The following CEACAM21 variants were observed in gnomAD, a reference collection of about 807,000 sequenced individuals.
CEACAM21 encodes the protein cell adhesion molecule CEACAM21.
In CEACAM21, 38 loss-of-function variants were observed where a neutral mutation model predicts 33.2. The observed-to-expected ratio is 1.14, with a 90% CI of 0.88 to 1.50. CEACAM21 has a LOEUF of 1.50. Among genes scored for constraint, CEACAM21 ranks in the 40% most tolerant of loss-of-function variants. The pLI is 0.00. For synonymous variants in CEACAM21, 156 were observed against 143.0 expected, an observed-to-expected ratio of 1.09 and a Z score of -0.65; for missense variants, 385 against 364.6, an observed-to-expected ratio of 1.06 and a Z score of -0.46.
chr19:41,571,472 A>G (rs1300956784), upstream of CEACAM21, among the ~76,000 whole-genome samples: 1 of 152,192 alleles, frequency 6.6e-6, no homozygotes, highest in East Asian at 1.9e-4. Flanking sequence ...GGGATCCTGT[A>G]GACATTGAAA....
chr19:41,576,453 G>T, intron 1 of CEACAM21, 115 bp downstream of exon 1: 3 of 1,176,020 alleles, frequency 2.6e-6, no homozygotes, highest in Non-Finnish European at 3.5e-6. Context: ...TAGAGACTCA[G>T]GGGAGAGAGC....
At position 41,580,310 on chromosome 19, in the gene CEACAM21, T is replaced by TGGG. The variant is rs3030814; in HGVS notation, c.700+689_700+691dup. Among the ~76,000 whole-genome samples the TGGG allele has an allele frequency of 1.3e-3, 201 of 151,350 alleles. 1 individual carries two copies. Among genetic ancestry groups the TGGG allele is most frequent in the Middle Eastern group, 6.8e-3 (2 of 294 alleles). On this transcript the variant is annotated intron_variant, in intron 3 of 6. Transcript: ENST00000401445. ...GACACACTTCTGTGACCAAATGTGA[T>TGGG]GGGGGGGGGTTTCTCCCACACACCC...
chr19:41,576,457 A>G, intron 1 of CEACAM21, 119 bp downstream of exon 1: 1 of 1,142,032 alleles, frequency 8.8e-7, no homozygotes, highest in Non-Finnish European at 1.2e-6. Context: ...GACTCAGGGG[A>G]GAGAGCGTCT....
upstream of CEACAM21, among the ~76,000 whole-genome samples, chr19:41,575,333 C>T (rs2042869244): frequency 6.6e-6 from 1 of 152,160 alleles, no homozygotes; most frequent in South Asian, 2.1e-4. Flanking sequence ...TAATTCAGTA[C>T]ATTTATCTTA....
At position 41,577,408 on chromosome 19, in the gene CEACAM21, A is replaced by G. The variant is rs1555791640; in HGVS notation, c.273A>G (p.Pro91=). The G allele has an allele frequency of 4.3e-6, 7 of 1,614,066 alleles. No individual in the cohort carries two copies. The highest frequency in any genetic ancestry group is 5.9e-6 in the Non-Finnish European group (7 of 1,180,034). ...AYVIDTHVRT[P]GPAYSGRETI... ...TAATAGACACTCACGTTAGGACTCC[A>G]GGGCCTGCATACAGCGGTCGAGAGA... The change falls in exon 2 of 7, where the codon CCA becomes CCG. Residue 91 remains proline (P), a synonymous_variant. Transcript: ENST00000401445.
chr19:41,561,709 G>A (rs185432875), intron 1 of CEACAM21, among the ~76,000 whole-genome samples: 32 of 152,230 alleles, frequency 2.1e-4, no homozygotes, highest in African/African-American at 6.3e-4. Context: ...GCGTGCTATT[G>A]GTATGCTGGT....
upstream of CEACAM21, chr19:41,576,117 C>T (rs1006753384): frequency 9.3e-6 from 7 of 751,492 alleles, no homozygotes; most frequent in South Asian, 1.7e-5. Context: ...GGCAGAGCCC[C>T]GCCCTTGCCC....
chr19:41,562,113 AC>A (rs1314826502), intron 1 of CEACAM21, among the ~76,000 whole-genome samples: 2 of 151,976 alleles, frequency 1.3e-5, no homozygotes, highest in Admixed American at 1.3e-4. Flanking sequence ...GGGTGTGGTG[AC>A]AGGCACCTGT....
At chr19:41,566,884 A>C (rs1041089730) in intron 2 of CEACAM21, among the ~76,000 whole-genome samples, 1 of 152,170 alleles carries the variant, frequency 6.6e-6, no homozygotes, top group African/African-American at 2.4e-5. Context: ...CAGTTTTGGT[A>C]ATTTACATTT....
In CEACAM21 at chr19:41,586,454, G is replaced by C. The variant is rs376012958; in HGVS notation, c.*1-10G>C. 2.3e-5 allele frequency: 15 copies of C among 639,296 alleles called. No individual in the cohort carries two copies. The highest frequency in any genetic ancestry group is 4.2e-5 in the Non-Finnish European group (14 of 334,192). The allele number at this position is 639,296 out of a possible 1,614,324, so 39.6% of individuals were successfully genotyped here. ...CCTCAGGGGTCAAGACCTCTTCTCT[G>C]TTTTTACAGGAATTGCTACACTCTG... On this transcript the variant is annotated splice_polypyrimidine_tract_variant and intron_variant, in intron 6 of 6. Transcript: ENST00000401445.
intron 1 of CEACAM21, among the ~76,000 whole-genome samples, chr19:41,556,457 A>G (rs1408070805): frequency 1.3e-5 from 2 of 152,244 alleles, no homozygotes; most frequent in South Asian, 2.1e-4. Context: ...GTATGTACAT[A>G]TAATTAAATA....
upstream of CEACAM21, among the ~76,000 whole-genome samples, chr19:41,571,842 C>T (rs782228938): frequency 1.3e-5 from 2 of 152,110 alleles, no homozygotes. Flanking sequence ...GAGGAGAGGT[C>T]TTTTAAACAT....
At chr19:41,582,884 A>C (rs949153354) in intron 3 of CEACAM21, among the ~76,000 whole-genome samples, 2 of 152,224 alleles carry the variant, frequency 1.3e-5, no homozygotes, top group South Asian at 4.1e-4. Context: ...TTGGGGATTA[A>C]CATTTTGCTC....
At chr19:41,586,204 G>C (rs2070724978) in intron 6 of CEACAM21, 1 of 562,474 alleles carries the variant, frequency 1.8e-6, no homozygotes, top group Non-Finnish European at 3.2e-6. Flanking sequence ...AGGTGAGTGG[G>C]GGCCACAGAT....
chr19:41,560,813 A>G (rs1055363793), intron 1 of CEACAM21, among the ~76,000 whole-genome samples: 1 of 152,220 alleles, frequency 6.6e-6, no homozygotes, highest in African/African-American at 2.4e-5. Flanking sequence ...TAAACCAGAA[A>G]TAAAAGTGAA....
intron 2 of CEACAM21, among the ~76,000 whole-genome samples, chr19:41,569,703 G>A (rs1235401315): frequency 1.3e-5 from 2 of 152,122 alleles, no homozygotes; most frequent in Non-Finnish European, 2.9e-5. Context: ...TTGCCCCAGG[G>A]TGTGGATTCT....
intron 1 of CEACAM21, among the ~76,000 whole-genome samples, chr19:41,559,464 T>C (rs782427490): frequency 7.9e-5 from 12 of 152,326 alleles, no homozygotes; most frequent in South Asian, 2.1e-4. Flanking sequence ...GTAGAAAAGA[T>C]TTTTAAAAGA....
chr19:41,551,601 G>C (rs1334196788), intron 1 of CEACAM21: 5 of 152,284 alleles, frequency 3.3e-5, no homozygotes, highest in Admixed American at 3.3e-4. Flanking sequence ...AGGGCCATGA[G>C]CCTGCCTGGG....
intron 3 of CEACAM21, among the ~76,000 whole-genome samples, chr19:41,583,714 G>A (rs1338859552): frequency 6.6e-6 from 1 of 152,104 alleles, no homozygotes. Flanking sequence ...AGAACAGGAT[G>A]GAAAAAACCC....
Sources: allele counts gnomAD v4.1 joint callset (sites outside exome capture counted in the v4.1 genomes callset), GRCh38; gene constraint gnomAD v4.1.1; transcripts MANE v1.5; gene names NCBI Gene and HGNC (gene_info 2026-07-23, HGNC 2026-07-21).